Variants in PCSK6 observed in about 807,000 individuals in gnomAD.
The protein encoded by PCSK6 is paired basic amino acid cleaving enzyme 4.
PCSK6 carries 85 observed loss-of-function variants against 123.3 expected under a neutral mutation model. The observed-to-expected ratio is 0.69, with a 90% CI of 0.58 to 0.83. The LOEUF (loss-of-function observed/expected upper bound fraction) is 0.83, where lower values mean the gene tolerates loss of function less well. Ranked by LOEUF, PCSK6 falls within the 40% of genes least tolerant of loss-of-function variation. The pLI is 0.00. For missense variants in PCSK6, 1,191 were observed against 1,282.3 expected, an observed-to-expected ratio of 0.93 and a Z score of 1.09; for synonymous variants, 508 against 516.0, an observed-to-expected ratio of 0.98 and a Z score of 0.21.
At chr15:101,401,705 C>T (rs1032862848) in intron 6 of PCSK6, among the ~76,000 whole-genome samples, 5 of 152,162 alleles carry the variant, frequency 3.3e-5, no homozygotes, top group Non-Finnish European at 7.3e-5. Flanking sequence ...CAAATGAAAT[C>T]GGATGATCCG....
At chr15:101,337,989 G>A (rs1263223157) in intron 13 of PCSK6, among the ~76,000 whole-genome samples, 1 of 152,076 alleles carries the variant, frequency 6.6e-6, no homozygotes, top group Non-Finnish European at 1.5e-5. Flanking sequence ...TCCCAATAGA[G>A]TCCCGAAAGT....
intron 15 of PCSK6, among the ~76,000 whole-genome samples, chr15:101,328,025 T>C (rs192927055): frequency 1.6e-4 from 25 of 152,356 alleles, no homozygotes; most frequent in African/African-American, 5.8e-4. Flanking sequence ...TCCCATCTGA[T>C]TGGATTCTTT....
At chr15:101,470,958 A>AT (rs1567246126) in intron 1 of PCSK6, among the ~76,000 whole-genome samples, 1 of 152,226 alleles carries the variant, frequency 6.6e-6, no homozygotes, top group Non-Finnish European at 1.5e-5. Context: ...GACCGAGAAG[A>AT]TAATTAGCAG....
At chr15:101,313,893 T>C (rs1596169485) in intron 19 of PCSK6, 1 of 170,238 alleles carries the variant, frequency 5.9e-6, no homozygotes. Flanking sequence ...TATGGATACA[T>C]GTTGAAATGG....
Position 101,368,891 on chromosome 15 carries a change from C to G in PCSK6, c.1721+1444G>C, listed in dbSNP as rs531693048. On this transcript the variant is annotated intron_variant, in intron 12 of 21. Transcript: ENST00000611716. ...AAGGTTAAAAAAATAAAATAAAAAACACCACGGGGAGCAACATAGCATCAA... is the reference window on the plus strand; with the variant it reads ...AAGGTTAAAAAAATAAAATAAAAAAGACCACGGGGAGCAACATAGCATCAA... Among the ~76,000 whole-genome samples, 343 of 152,278 alleles carry G rather than the reference C, an allele frequency of 2.3e-3. 3 individuals are homozygous for G. The highest frequency in any genetic ancestry group is 8.0e-3 in the African/African-American group (331 of 41,556).
intron 1 of PCSK6, among the ~76,000 whole-genome samples, chr15:101,460,241 T>A (rs1019023673): frequency 6.6e-6 from 1 of 152,036 alleles, no homozygotes; most frequent in Non-Finnish European, 1.5e-5. Context: ...CTGCCCCTCT[T>A]CTAAAGAGGG....
intron 1 of PCSK6, 43 bp downstream of exon 1, chr15:101,489,331 G>A (rs2058105273): frequency 1.7e-5 from 19 of 1,104,358 alleles, no homozygotes; most frequent in East Asian, 1.2e-4. Context: ...CGCGCCGGAG[G>A]CCGCCGGGAA....
rs554601155 is a variant in PCSK6, at chr15:101,469,462, C to T, written c.297+19912G>A. 2.4e-4 allele frequency among the ~76,000 whole-genome samples: 37 copies of T among 152,274 alleles called. No homozygotes were observed. In the East Asian group the frequency reaches 6.0e-3, roughly 25 times the overall value. ...CAAGATGCCGACATGGGTGAAGTGC[C>T]GAGAGACCCTCCGTCTGTCATCTTA... On this transcript the variant is annotated intron_variant, in intron 1 of 21. Coordinates refer to ENST00000611716, the MANE Select transcript of PCSK6 (RefSeq NM_002570.5).
chr15:101,441,603 AC>A (rs1482264127), intron 2 of PCSK6, among the ~76,000 whole-genome samples: 4 of 152,246 alleles, frequency 2.6e-5, no homozygotes, highest in African/African-American at 7.2e-5. Context: ...TAGTCAAAAC[AC>A]AGATTAAGTC....
intron 11 of PCSK6, among the ~76,000 whole-genome samples, chr15:101,380,325 G>T (rs191415705): frequency 1.3e-5 from 2 of 152,206 alleles, no homozygotes; most frequent in Non-Finnish European, 2.9e-5. Flanking sequence ...TTCAGGAGCC[G>T]CCCTGACGGG....
intron 11 of PCSK6, among the ~76,000 whole-genome samples, chr15:101,375,228 C>T (rs2041700553): frequency 6.6e-6 from 1 of 152,214 alleles, no homozygotes; most frequent in African/African-American, 2.4e-5. Flanking sequence ...GTTGAGATTA[C>T]AGGCGTGAGC....
At position 101,455,290 on chromosome 15, in the gene PCSK6, C is replaced by T. The variant is rs139175362; in HGVS notation, c.298-11630G>A. Among the ~76,000 whole-genome samples the T allele has an allele frequency of 3.0e-4, 45 of 152,314 alleles. No individual in the cohort carries two copies. The East Asian group carries it at 7.5e-3, about 25-fold the overall frequency. On this transcript the variant is annotated intron_variant, in intron 1 of 21. Coordinates refer to ENST00000611716, the MANE Select transcript of PCSK6 (RefSeq NM_002570.5). ...GAGGCCTGAGAGGGAGAAGGCATAG[C>T]CGACCCCAAGGCACAGCCAAGCACG... is the stretch of plus-strand genomic sequence containing the variant.
chr15:101,306,175 A>G lies in PCSK6; in HGVS notation c.2813-820T>C, dbSNP rs113185253. Among the ~76,000 whole-genome samples, 484 of 152,158 alleles carry G rather than the reference A, an allele frequency of 3.2e-3. 5 individuals are homozygous for G. Among genetic ancestry groups the G allele is most frequent in the African/African-American group, 0.011 (465 of 41,500 alleles). Reference sequence around the variant, plus strand: ...GAGCCGCCGTGGACAGGACTTGCTGAGGACACCGCTGCAGCAAGGGGAAGA... The same window carrying G: ...GAGCCGCCGTGGACAGGACTTGCTGGGGACACCGCTGCAGCAAGGGGAAGA... On this transcript the variant is annotated intron_variant, in intron 21 of 21. Coordinates refer to ENST00000611716, the MANE Select transcript of PCSK6 (RefSeq NM_002570.5).
intron 6 of PCSK6, among the ~76,000 whole-genome samples, chr15:101,406,876 T>C (rs2042797236): frequency 1.3e-5 from 2 of 152,200 alleles, no homozygotes; most frequent in African/African-American, 4.8e-5. Context: ...AACACAGCTG[T>C]AGCCAGCGAC....
In PCSK6 at chr15:101,429,997, T is replaced by C; in HGVS notation, c.724A>G (p.Asn242Asp). The change falls in exon 5 of 22, where the codon AAT (asparagine) becomes GAT (aspartate). Residue 242 changes from asparagine (N) to aspartate (D), a missense_variant. Physicochemically the swap from Asn to Asp is conservative, Grantham distance 23. Around this residue, in one of 3 missense-constraint regions of PCSK6, gnomAD observed 357 missense variants for 484.5 expected, o/e 0.74. Coordinates refer to ENST00000611716, the MANE Select transcript of PCSK6 (RefSeq NM_002570.5). The stretch of plus-strand genomic sequence containing the variant: ...GGCGAGGTGACGTACTTATTTTCAT[T>C]GCTGGCATCATATCGTGGAGATGGG... ...YDPSPRYDASNENKHGTRCAG... is the reference protein window; with the variant it reads ...YDPSPRYDASDENKHGTRCAG... 1 of 1,613,500 alleles carries C rather than the reference T, an allele frequency of 6.2e-7. No homozygotes were observed. The highest frequency in any genetic ancestry group is 1.1e-5 in the South Asian group (1 of 91,070).
intron 1 of PCSK6, among the ~76,000 whole-genome samples, chr15:101,485,313 T>C (rs1354464617): frequency 2.0e-5 from 3 of 152,362 alleles, no homozygotes; most frequent in East Asian, 1.9e-4. Context: ...TAGTGATTTA[T>C]AGTTTTCAAA....
intron 5 of PCSK6, among the ~76,000 whole-genome samples, chr15:101,429,112 C>T (rs181787732): frequency 1.7e-4 from 26 of 152,298 alleles, no homozygotes; most frequent in South Asian, 2.1e-4. Flanking sequence ...AGACTATAAT[C>T]GGGAGACGCC....
intron 1 of PCSK6, among the ~76,000 whole-genome samples, chr15:101,479,624 T>C (rs11247299): frequency 0.28 from 42,348 of 152,028 alleles, 6,306 homozygotes; most frequent in East Asian, 0.51. Context: ...AGACATCTGG[T>C]TTCCCATCTG....
At chr15:101,422,375 T>C (rs2056109874) in intron 6 of PCSK6, among the ~76,000 whole-genome samples, 1 of 152,192 alleles carries the variant, frequency 6.6e-6, no homozygotes, top group African/African-American at 2.4e-5. Context: ...TGAGCAGGTA[T>C]TTCAGCTGCT....
Sources: gnomAD v4.1 joint callset for allele counts (sites outside exome capture counted in the v4.1 genomes callset) on GRCh38, gnomAD v4.1.1 for gene constraint, gnomAD v4.1.1 regional missense constraint, MANE v1.5 for transcripts, NCBI Gene and HGNC (gene_info 2026-07-23, HGNC 2026-07-21) for gene names.